TSC22D1: variants seen among roughly 807,000 people sequenced by gnomAD.
TSC22D1 encodes TSC22 domain family protein 1.
A neutral mutation model predicts 74.2 loss-of-function variants in TSC22D1; 9 were observed. That is an observed-to-expected ratio of 0.12 (90% CI 0.07 to 0.21). TSC22D1 has a LOEUF of 0.21. TSC22D1 is among the 10% of genes least tolerant of loss of function. TSC22D1 has a pLI of 1.00. For missense variants in TSC22D1, 1,427 were observed against 1,304.7 expected (o/e 1.09, Z -1.44); for synonymous variants, 586 against 492.5 (o/e 1.19, Z -2.51).
At chr13:44,475,465 C>CA (rs11359696) in intron 1 of TSC22D1, among the ~76,000 whole-genome samples, 15,801 of 132,002 alleles carry the variant, frequency 0.12, 866 homozygotes, top group Non-Finnish European at 0.13. Context: ...CAAACAAAAG[C>CA]AAAAAAAAAA....
chr13:44,497,804 C>T (rs995120560), intron 1 of TSC22D1, among the ~76,000 whole-genome samples: 5 of 152,214 alleles, frequency 3.3e-5, no homozygotes, highest in African/African-American at 1.2e-4. Flanking sequence ...TTGTCAACAG[C>T]ACTGTTCCCA....
intron 1 of TSC22D1, among the ~76,000 whole-genome samples, chr13:44,482,421 C>T (rs868241933): frequency 6.6e-6 from 1 of 152,144 alleles, no homozygotes; most frequent in South Asian, 2.1e-4. Flanking sequence ...CACCTGTAAT[C>T]CCAGTACCTC....
intron 1 of TSC22D1, among the ~76,000 whole-genome samples, chr13:44,487,025 C>G (rs909698390): frequency 1.3e-5 from 2 of 151,624 alleles, no homozygotes; most frequent in African/African-American, 4.8e-5. Flanking sequence ...AAAAAAAATA[C>G]CTATAAGGTT....
Position 44,443,023 on chromosome 13 carries a change from GAAA to G in TSC22D1, c.2913-6931_2913-6929del, listed in dbSNP as rs766837610. On this transcript the variant is annotated intron_variant, in intron 1 of 2. Transcript: ENST00000458659. The stretch of plus-strand genomic sequence containing the variant: ...CAAATATATCTGTAGTGAAGTCCCT[GAAA>G]AAAAAAAAAAAGGAGAGAAAACATT... Among the ~76,000 whole-genome samples, 5 of 127,034 alleles carry G rather than the reference GAAA, an allele frequency of 3.9e-5. No individual in the cohort carries two copies. In the South Asian group the frequency reaches 1.0e-3, roughly 26 times the overall value. 83.3% of individuals were successfully genotyped at this position (127,034 alleles called of 152,430 possible). A position where few individuals can be genotyped will look rare whatever the true frequency, so the allele number is the denominator to read the frequency against.
chr13:44,477,870 T>C lies in TSC22D1; in HGVS notation c.2913-41775A>G, dbSNP rs140737860. Among the ~76,000 whole-genome samples, 865 of 152,136 alleles carry C rather than the reference T, an allele frequency of 5.7e-3. 7 individuals are homozygous for C. Among genetic ancestry groups the C allele is most frequent in the African/African-American group, 0.02 (824 of 41,506 alleles). Reference sequence around the variant, plus strand: ...GGTGGCCAGGCTGGTCTCAAACTCCTGACCTAGTGATCTGCCCGCCTCAGC... The same window carrying C: ...GGTGGCCAGGCTGGTCTCAAACTCCCGACCTAGTGATCTGCCCGCCTCAGC... On this transcript the variant is annotated intron_variant, in intron 1 of 2. Coordinates refer to ENST00000458659, the MANE Select transcript of TSC22D1 (RefSeq NM_183422.4).
At chr13:44,490,807 G>A (rs1230653796) in intron 1 of TSC22D1, among the ~76,000 whole-genome samples, 1 of 151,358 alleles carries the variant, frequency 6.6e-6, no homozygotes, top group Non-Finnish European at 1.5e-5. Context: ...TGAGGCAGGA[G>A]AATCACTTGA....
chr13:44,474,638 G>T (rs1877793036), intron 1 of TSC22D1, among the ~76,000 whole-genome samples: 1 of 151,758 alleles, frequency 6.6e-6, no homozygotes, highest in Non-Finnish European at 1.5e-5. Flanking sequence ...AAAACAATAA[G>T]GATGCAAGAA....
intron 1 of TSC22D1, among the ~76,000 whole-genome samples, chr13:44,505,069 C>A (rs1879385746): frequency 6.6e-6 from 1 of 152,178 alleles, no homozygotes; most frequent in Non-Finnish European, 1.5e-5. Context: ...AATGTCAAAG[C>A]CTGTGTCTTA....
intron 1 of TSC22D1, among the ~76,000 whole-genome samples, chr13:44,450,517 G>A (rs1211591298): frequency 1.2e-4 from 19 of 152,142 alleles, no homozygotes; most frequent in African/African-American, 4.8e-5. Context: ...AGGAAATAAT[G>A]AGGGCCAAAA....
At chr13:44,520,414 GT>G (rs1355958414) in intron 1 of TSC22D1, among the ~76,000 whole-genome samples, 18 of 152,162 alleles carry the variant, frequency 1.2e-4, no homozygotes, top group African/African-American at 4.1e-4. Context: ...TATTATTTCA[GT>G]GAGGTTATCA....
intron 1 of TSC22D1, among the ~76,000 whole-genome samples, chr13:44,458,410 T>C (rs570705237): frequency 5.3e-4 from 80 of 152,336 alleles, no homozygotes; most frequent in Non-Finnish European, 5.9e-5. Context: ...TGATAATACA[T>C]ATTTCATAAT....
chr13:44,436,743 G>T, intron 1 of TSC22D1: 1 of 1,485,318 alleles, frequency 6.7e-7, no homozygotes, highest in Non-Finnish European at 8.9e-7. Flanking sequence ...GAAAACGGCA[G>T]CCCTAATTTA....
chr13:44,467,957 T>C (rs149717824), intron 1 of TSC22D1, among the ~76,000 whole-genome samples: 1 of 152,076 alleles, frequency 6.6e-6, no homozygotes, highest in African/African-American at 2.4e-5. Flanking sequence ...TATCACAGCA[T>C]AATTCACAAT....
Position 44,575,060 on chromosome 13 carries a change from T to C in TSC22D1, c.1015A>G (p.Ser339Gly). The C allele has an allele frequency of 1.2e-6, 2 of 1,614,192 alleles. No individual in the cohort carries two copies. Among genetic ancestry groups the C allele is most frequent in the Non-Finnish European group, 1.7e-6 (2 of 1,180,038 alleles). Residue 339 changes from serine to glycine, a missense_variant, in exon 1 of 3, where the codon AGT becomes GGT. Around this residue, in one of 3 missense-constraint regions of TSC22D1, gnomAD observed 1,343 missense variants for 1,191.5 expected, o/e 1.13. Coordinates refer to ENST00000458659, the MANE Select transcript of TSC22D1 (RefSeq NM_183422.4). ...GCAGCACTAGGAATATTGCTTGTACTTATATTAACATTACCAAGCATGCTG... is the reference window on the plus strand; with the variant it reads ...GCAGCACTAGGAATATTGCTTGTACCTATATTAACATTACCAAGCATGCTG... The part of the protein sequence containing the change: ...TSSMLGNVNI[S>G]TSNIPSAAGV...
chr13:44,514,777 T>G (rs1006319896), intron 1 of TSC22D1, among the ~76,000 whole-genome samples: 3 of 152,194 alleles, frequency 2.0e-5, no homozygotes, highest in African/African-American at 7.2e-5. Context: ...GGAGAATTGC[T>G]TGTACCCAGG....
intron 1 of TSC22D1, among the ~76,000 whole-genome samples, chr13:44,521,313 G>A (rs1880304060): frequency 6.6e-6 from 1 of 152,132 alleles, no homozygotes; most frequent in Admixed American, 6.5e-5. Flanking sequence ...AAAGCTTTCA[G>A]TCATGCTATG....
At chr13:44,572,318 GTTTAATAATGTACTTTAGGC>G (rs1401057008) in intron 1 of TSC22D1, among the ~76,000 whole-genome samples, 1 of 152,142 alleles carries the variant, frequency 6.6e-6, no homozygotes, top group Non-Finnish European at 1.5e-5. Context: ...AAAACGCTTG[GTTTAATAATGTACTTTAGGC>G]TTTCTGTATC....
At chr13:44,515,347 T>C (rs1241337028) in intron 1 of TSC22D1, among the ~76,000 whole-genome samples, 9 of 151,602 alleles carry the variant, frequency 5.9e-5, no homozygotes, top group African/African-American at 1.5e-4. Context: ...ATTTACTATA[T>C]GGAAAGATGG....
At chr13:44,500,924 G>A (rs530034197) in intron 1 of TSC22D1, among the ~76,000 whole-genome samples, 2 of 152,222 alleles carry the variant, frequency 1.3e-5, no homozygotes, top group East Asian at 1.9e-4. Context: ...GGCCTCCAGC[G>A]ATCCTCCTGC....
Sources: gnomAD v4.1 joint callset for allele counts (sites outside exome capture counted in the v4.1 genomes callset) on GRCh38, gnomAD v4.1.1 for gene constraint, gnomAD v4.1.1 regional missense constraint, MANE v1.5 for transcripts, NCBI Gene and HGNC (gene_info 2026-07-23, HGNC 2026-07-21) for gene names.